The following OCA2 variants were observed in gnomAD, a reference collection of about 807,000 sequenced individuals.
The protein encoded by OCA2 is P protein.
Under a neutral mutation model 100.2 loss-of-function variants are expected in OCA2, and 77 were observed. That is an observed-to-expected ratio of 0.77 (90% CI 0.64 to 0.93). The LOEUF (loss-of-function observed/expected upper bound fraction) is 0.93, where lower values mean the gene tolerates loss of function less well. Among genes scored for constraint, OCA2 ranks in the 40% least tolerant of loss-of-function variants. The probability of loss-of-function intolerance (pLI) is 0.00; values close to 1 mark genes in which losing one functional copy is unlikely to be tolerated. For missense variants in OCA2, 1,062 were observed against 1,089.1 expected (o/e 0.98, Z 0.35); for synonymous variants, 432 against 439.2 (o/e 0.98, Z 0.21).
chr15:28,029,403 T>C (rs969170514), intron 3 of OCA2, among the ~76,000 whole-genome samples: 3 of 151,954 alleles, frequency 2.0e-5, no homozygotes, highest in Non-Finnish European at 2.9e-5. Flanking sequence ...TGTAACAAAA[T>C]TGGAACAAAA....
the OCA2 span, among the ~76,000 whole-genome samples, chr15:27,732,626 G>A: frequency 6.6e-6 from 1 of 152,170 alleles, no homozygotes; most frequent in African/African-American, 2.4e-5. Context: ...TGTCCTTGCT[G>A]CTGTATTGCT....
rs985046656 is a variant in OCA2, at chr15:28,081,970, C to T, written c.-21-75G>A. The T allele has an allele frequency of 1.1e-5, 13 of 1,230,898 alleles. No individual in the cohort carries two copies. In the African/African-American group the frequency reaches 1.2e-4, roughly 11 times the overall value. The allele number at this position is 1,230,898 out of a possible 1,614,324, so 76.2% of individuals were successfully genotyped here. A position where few individuals can be genotyped will look rare whatever the true frequency, so the allele number is the denominator to read the frequency against. On this transcript the variant is annotated intron_variant, in intron 1 of 23. Transcript: ENST00000354638. Reference sequence around the variant, plus strand: ...AACGTTTGCACCTTGGGAGTCCGTACAATAGGAAGGTTGCTTCTTCGGAGG... The same window carrying T: ...AACGTTTGCACCTTGGGAGTCCGTATAATAGGAAGGTTGCTTCTTCGGAGG...
intron 14 of OCA2, among the ~76,000 whole-genome samples, chr15:27,980,151 T>A (rs1490760939): frequency 6.6e-6 from 1 of 151,872 alleles, no homozygotes; most frequent in African/African-American, 2.4e-5. Context: ...TGAGACAGAG[T>A]CTCGCTCTGT....
intron 23 of OCA2, among the ~76,000 whole-genome samples, chr15:27,773,288 A>G (rs1012569286): frequency 6.6e-6 from 1 of 152,192 alleles, no homozygotes; most frequent in Non-Finnish European, 1.5e-5. Flanking sequence ...TTTGCCAAAA[A>G]ATAATGAGAA....
At chr15:28,092,454 C>G (rs2044886293) in intron 1 of OCA2, among the ~76,000 whole-genome samples, 1 of 152,116 alleles carries the variant, frequency 6.6e-6, no homozygotes, top group African/African-American at 2.4e-5. Flanking sequence ...CTCCCAGGCT[C>G]AGTGATCCTC....
chr15:27,722,011 A>G, the OCA2 span, among the ~76,000 whole-genome samples: 1 of 152,220 alleles, frequency 6.6e-6, no homozygotes, highest in Admixed American at 6.5e-5. Flanking sequence ...GATCTGTGCT[A>G]TAATAATTTC....
At chr15:27,989,708 C>T in intron 10 of OCA2, 42 bp from the exon 11 acceptor site, 1 of 1,578,356 alleles carries the variant, frequency 6.3e-7, no homozygotes, top group Non-Finnish European at 8.7e-7. Flanking sequence ...CCGTGCGCCG[C>T]CATCCCAGTG....
intron 19 of OCA2, among the ~76,000 whole-genome samples, chr15:27,917,040 C>T (rs1453937199): frequency 6.6e-6 from 1 of 152,114 alleles, no homozygotes; most frequent in Admixed American, 6.6e-5. Flanking sequence ...AAGGGAATGG[C>T]TGCTTGGGGT....
intron 2 of OCA2, among the ~76,000 whole-genome samples, chr15:28,063,411 A>G (rs1211803513): frequency 1.3e-5 from 2 of 152,134 alleles, no homozygotes; most frequent in Non-Finnish European, 2.9e-5. Flanking sequence ...TGTTTAATAT[A>G]ATTACCATTG....
At position 27,871,978 on chromosome 15, in the gene OCA2, T is replaced by C. The variant is rs999178765; in HGVS notation, c.2080-56A>G. On this transcript the variant is annotated intron_variant, in intron 19 of 23. Coordinates refer to ENST00000354638, the MANE Select transcript of OCA2 (RefSeq NM_000275.3). ...TTTAGAACCGAAAATATATGCAAGA[T>C]TTAAAAAAAAAGTCTTGAAAATGAA... 10 of 1,304,798 alleles carry C rather than the reference T, an allele frequency of 7.7e-6. No individual in the cohort carries two copies. In the Admixed American group the frequency reaches 1.4e-4, roughly 18 times the overall value. The allele number at this position is 1,304,798 out of a possible 1,614,324, so 80.8% of individuals were successfully genotyped here.
chr15:27,970,506 G>A, intron 14 of OCA2, among the ~76,000 whole-genome samples: 1 of 151,848 alleles, frequency 6.6e-6, no homozygotes. Flanking sequence ...TATGAAGAAG[G>A]TCCCAGCACA....
intron 18 of OCA2, among the ~76,000 whole-genome samples, chr15:27,938,786 C>T (rs1377221744): frequency 2.6e-5 from 4 of 152,132 alleles, no homozygotes; most frequent in African/African-American, 7.2e-5. Context: ...GCTGAGCTCC[C>T]GGGATGGACT....
chr15:27,970,525 G>C (rs775308076), intron 14 of OCA2, among the ~76,000 whole-genome samples: 1 of 152,032 alleles, frequency 6.6e-6, no homozygotes, highest in Non-Finnish European at 1.5e-5. Context: ...CACACAGCAC[G>C]GTGGGAAAAT....
At chr15:27,741,786 C>T in the OCA2 span, among the ~76,000 whole-genome samples, 2 of 152,262 alleles carry the variant, frequency 1.3e-5, no homozygotes, top group African/African-American at 4.8e-5. Flanking sequence ...GACAGCAGAG[C>T]TCAAGGAAAG....
chr15:27,989,521 G>T, intron 11 of OCA2, 80 bp downstream of exon 11: 1 of 1,123,630 alleles, frequency 8.9e-7, no homozygotes, highest in Non-Finnish European at 1.4e-6. Flanking sequence ...ACATAATGAA[G>T]GACCCTCAGC....
intron 2 of OCA2, among the ~76,000 whole-genome samples, chr15:28,035,658 T>C (rs918518420): frequency 6.6e-5 from 10 of 152,238 alleles, no homozygotes; most frequent in Admixed American, 2.0e-4. Flanking sequence ...AGAAATCCCA[T>C]TGACATTTTT....
At chr15:27,850,538 C>T (rs1241708406) in intron 22 of OCA2, among the ~76,000 whole-genome samples, 1 of 152,120 alleles carries the variant, frequency 6.6e-6, no homozygotes, top group African/African-American at 2.4e-5. Context: ...TCTACACTCT[C>T]GGAAGAACTT....
intron 18 of OCA2, among the ~76,000 whole-genome samples, chr15:27,940,528 G>T (rs540487330): frequency 6.6e-6 from 1 of 152,304 alleles, no homozygotes; most frequent in Non-Finnish European, 1.5e-5. Flanking sequence ...TCTCTGTCCA[G>T]CAGGGACCCT....
chr15:28,082,683 T>C (rs2044684678), intron 1 of OCA2, among the ~76,000 whole-genome samples: 1 of 152,204 alleles, frequency 6.6e-6, no homozygotes, highest in Admixed American at 6.5e-5. Context: ...ATAAATTACA[T>C]ACATACAACA....
Sources: allele counts gnomAD v4.1 joint callset (sites outside exome capture counted in the v4.1 genomes callset), GRCh38; gene constraint gnomAD v4.1.1; transcripts MANE v1.5; gene names NCBI Gene and HGNC (gene_info 2026-07-23, HGNC 2026-07-21).